Variants in PRKCH observed in about 807,000 individuals in gnomAD.
PRKCH encodes protein kinase C eta, also known as protein kinase C eta type.
In PRKCH, 28 loss-of-function variants were observed where a neutral mutation model predicts 82.5. The ratio of observed to expected loss-of-function variants is 0.34; its 90% CI spans 0.25 to 0.47. The LOEUF is 0.47. PRKCH is among the 20% of genes least tolerant of loss of function. The pLI is 1.00. For missense variants in PRKCH, 705 were observed against 881.8 expected (o/e 0.80, Z 2.54); for synonymous variants, 322 against 327.4 (o/e 0.98, Z 0.18).
intron 1 of PRKCH, among the ~76,000 whole-genome samples, chr14:61,195,085 A>G (rs1376692740): frequency 6.6e-6 from 1 of 152,126 alleles, no homozygotes; most frequent in Non-Finnish European, 1.5e-5. Context: ...CTGCATATTT[A>G]CTTTTTCCAT....
chr14:61,311,880 A>G (rs1339934679), intron 1 of PRKCH, among the ~76,000 whole-genome samples: 1 of 152,208 alleles, frequency 6.6e-6, no homozygotes, highest in Non-Finnish European at 1.5e-5. Flanking sequence ...TTCATCCTAC[A>G]TGGCAGCAGG....
chr14:61,425,859 C>T (rs892691424), intron 2 of PRKCH, among the ~76,000 whole-genome samples: 6 of 152,106 alleles, frequency 3.9e-5, no homozygotes, highest in East Asian at 3.9e-4. Context: ...GGGGTGGTTT[C>T]GTCCATGCTG....
chr14:61,322,651 T>C, intron 1 of PRKCH, 187 bp downstream of exon 1: 2 of 777,328 alleles, frequency 2.6e-6, no homozygotes, highest in South Asian at 4.0e-5. Context: ...CAGGCGCAGG[T>C]GTGTCTCCAG....
chr14:61,487,844 C>A (rs1266419164), intron 10 of PRKCH, among the ~76,000 whole-genome samples: 18 of 129,036 alleles, frequency 1.4e-4, no homozygotes, highest in South Asian at 1.0e-3. Flanking sequence ...AAAAAAAAAA[C>A]ATATACATAT....
intron 1 of PRKCH, among the ~76,000 whole-genome samples, chr14:61,333,229 C>G (rs1483191362): frequency 6.6e-6 from 1 of 152,142 alleles, no homozygotes. Context: ...TTGTCGAGCC[C>G]TAGACCCTTT....
At chr14:61,394,481 G>A (rs1417040332) in intron 2 of PRKCH, among the ~76,000 whole-genome samples, 1 of 152,202 alleles carries the variant, frequency 6.6e-6, no homozygotes, top group Non-Finnish European at 1.5e-5. Context: ...AAACACAACA[G>A]TGAGAAAGAG....
intron 1 of PRKCH, among the ~76,000 whole-genome samples, chr14:61,302,319 A>G (rs370520880): frequency 1.6e-4 from 24 of 152,314 alleles, no homozygotes; most frequent in African/African-American, 5.8e-4. Flanking sequence ...GTTGTTTTAC[A>G]CAGTCCTTCT....
chr14:61,202,899 C>T (rs1239579328), intron 1 of PRKCH, among the ~76,000 whole-genome samples: 1 of 152,124 alleles, frequency 6.6e-6, no homozygotes, highest in Non-Finnish European at 1.5e-5. Flanking sequence ...TCATGGCTTA[C>T]ACCAGGTTTC....
intron 12 of PRKCH, among the ~76,000 whole-genome samples, chr14:61,546,964 A>AT (rs974911440): frequency 6.6e-6 from 1 of 152,190 alleles, no homozygotes; most frequent in Non-Finnish European, 1.5e-5. Flanking sequence ...GCATATTTTG[A>AT]TAGGAGCCCA....
chr14:61,189,279 G>C (rs990391012), intron 1 of PRKCH, among the ~76,000 whole-genome samples: 1 of 152,186 alleles, frequency 6.6e-6, no homozygotes, highest in Non-Finnish European at 1.5e-5. Flanking sequence ...TTCTCACTAG[G>C]TCACTGTTTG....
intron 9 of PRKCH, among the ~76,000 whole-genome samples, chr14:61,458,705 C>G (rs959913758): frequency 3.9e-5 from 6 of 152,106 alleles, no homozygotes; most frequent in Admixed American, 3.3e-4. Flanking sequence ...AAGAAACTTA[C>G]AGTCATAGCG....
intron 1 of PRKCH, among the ~76,000 whole-genome samples, chr14:61,233,521 G>C (rs1452349501): frequency 1.3e-5 from 2 of 152,164 alleles, no homozygotes; most frequent in African/African-American, 4.8e-5. Context: ...CCTCTCTCAA[G>C]GAATTAATAC....
chr14:61,188,597 TG>T (rs1566774136), intron 1 of PRKCH, among the ~76,000 whole-genome samples: 1 of 39,608 alleles, frequency 2.5e-5, no homozygotes, highest in African/African-American at 8.6e-5. Flanking sequence ...GTCGGGGGGG[TG>T]GGGGGGTGGT....
intron 1 of PRKCH, among the ~76,000 whole-genome samples, chr14:61,299,417 C>G (rs1007218369): frequency 6.6e-6 from 1 of 152,202 alleles, no homozygotes; most frequent in Non-Finnish European, 1.5e-5. Flanking sequence ...AATGCACATG[C>G]TTGAGCCCAC....
intron 1 of PRKCH, among the ~76,000 whole-genome samples, chr14:61,327,951 C>T (rs1594916080): frequency 6.6e-6 from 1 of 152,140 alleles, no homozygotes; most frequent in Admixed American, 6.5e-5. Flanking sequence ...CCAATATGTG[C>T]TTGAAAGACT....
At chr14:61,254,955 C>T (rs954006312) in intron 1 of PRKCH, among the ~76,000 whole-genome samples, 2 of 152,154 alleles carry the variant, frequency 1.3e-5, no homozygotes, top group Non-Finnish European at 2.9e-5. Context: ...CCAGGAAGGG[C>T]GGTGATGCAG....
chr14:61,487,081 CAGT>C (rs1355277867), intron 10 of PRKCH, among the ~76,000 whole-genome samples: 2 of 152,264 alleles, frequency 1.3e-5, no homozygotes, highest in African/African-American at 4.8e-5. Flanking sequence ...AGAGAGAGTG[CAGT>C]AAGACTGGTG....
chr14:61,329,920 C>A (rs72728008), intron 1 of PRKCH, among the ~76,000 whole-genome samples: 1 of 152,074 alleles, frequency 6.6e-6, no homozygotes, highest in African/African-American at 2.4e-5. Context: ...AAGATTCATC[C>A]GCTTGGCTCT....
At chr14:61,474,948 C>T (rs150397967) in intron 9 of PRKCH, among the ~76,000 whole-genome samples, 1 of 152,156 alleles carries the variant, frequency 6.6e-6, no homozygotes, top group Non-Finnish European at 1.5e-5. Flanking sequence ...CACCTTGAGG[C>T]AGATATGGCA....
Sources: gnomAD v4.1 joint callset for allele counts (sites outside exome capture counted in the v4.1 genomes callset) on GRCh38, gnomAD v4.1.1 for gene constraint, MANE v1.5 for transcripts, NCBI Gene and HGNC (gene_info 2026-07-23, HGNC 2026-07-21) for gene names.